P4HA1: variants seen among roughly 807,000 people sequenced by gnomAD.
P4HA1 encodes the protein prolyl 4-hydroxylase subunit alpha 1.
In P4HA1, 24 loss-of-function variants were observed where a neutral mutation model predicts 72.8. The ratio of observed to expected loss-of-function variants is 0.33; its 90% CI spans 0.24 to 0.46. The LOEUF (loss-of-function observed/expected upper bound fraction) is 0.46. P4HA1 is among the 20% of genes least tolerant of loss of function. The pLI, the probability that P4HA1 is intolerant of heterozygous loss-of-function variation, is 1.00. For missense variants in P4HA1, 446 were observed against 640.6 expected, an observed-to-expected ratio of 0.70 and a Z score of 3.28; for synonymous variants, 201 against 218.8, an observed-to-expected ratio of 0.92 and a Z score of 0.72.
chr10:73,090,792 G>A (rs1270078473), intron 1 of P4HA1, among the ~76,000 whole-genome samples: 1 of 152,034 alleles, frequency 6.6e-6, no homozygotes, highest in Non-Finnish European at 1.5e-5. Context: ...CAGGTGCGGT[G>A]GCTCATGCCT....
chr10:73,052,497 A>T (rs1182369755), intron 6 of P4HA1, among the ~76,000 whole-genome samples: 1 of 152,184 alleles, frequency 6.6e-6, no homozygotes, highest in Admixed American at 6.5e-5. Flanking sequence ...GTTTTAATAA[A>T]TTTTCTATAA....
At chr10:73,072,532 C>G (rs1841588645) in intron 3 of P4HA1, among the ~76,000 whole-genome samples, 1 of 152,072 alleles carries the variant, frequency 6.6e-6, no homozygotes, top group African/African-American at 2.4e-5. Flanking sequence ...TACAAATTAG[C>G]CCAACCCAAA....
intron 4 of P4HA1, among the ~76,000 whole-genome samples, chr10:73,069,652 A>G (rs754619673): frequency 4.6e-5 from 7 of 152,196 alleles, no homozygotes; most frequent in Non-Finnish European, 1.0e-4. Context: ...CAAACAAACC[A>G]ATTACTGATA....
chr10:73,084,308 A>G (rs2133156094), intron 1 of P4HA1, among the ~76,000 whole-genome samples: 1 of 152,302 alleles, frequency 6.6e-6, no homozygotes, highest in East Asian at 1.9e-4. Flanking sequence ...GACTAATTGT[A>G]TTGTTTGGGG....
chr10:73,059,920 G>A (rs896556992), intron 5 of P4HA1, among the ~76,000 whole-genome samples: 14 of 151,770 alleles, frequency 9.2e-5, no homozygotes, highest in Admixed American at 3.3e-4. Context: ...ACTCCAGGCC[G>A]GGCAACAGAA....
chr10:73,084,560 C>T (rs1426531488), intron 1 of P4HA1, among the ~76,000 whole-genome samples: 2 of 152,122 alleles, frequency 1.3e-5, no homozygotes, highest in Non-Finnish European at 2.9e-5. Flanking sequence ...GCAGTCTTCC[C>T]GCCTGAGCCT....
At chr10:73,051,824 T>C (rs978195905) in intron 6 of P4HA1, among the ~76,000 whole-genome samples, 1 of 152,142 alleles carries the variant, frequency 6.6e-6, no homozygotes, top group African/African-American at 2.4e-5. Context: ...TGCTTTTACT[T>C]TGAGAATTTA....
chr10:73,045,924 A>C, intron 8 of P4HA1, among the ~76,000 whole-genome samples: 1 of 151,966 alleles, frequency 6.6e-6, no homozygotes, highest in South Asian at 2.1e-4. Context: ...TCTAAAAGAA[A>C]TTCTAACTTC....
chr10:73,025,378 T>A (rs1299071121), intron 10 of P4HA1, among the ~76,000 whole-genome samples: 1 of 152,168 alleles, frequency 6.6e-6, no homozygotes, highest in African/African-American at 2.4e-5. Flanking sequence ...CATGATTATC[T>A]CAATAGATGC....
chr10:73,057,206 C>G (rs898335584), intron 5 of P4HA1, among the ~76,000 whole-genome samples: 16 of 151,088 alleles, frequency 1.1e-4, no homozygotes, highest in African/African-American at 3.6e-4. Context: ...AACACAAAGA[C>G]AAGGCCGGGC....
At chr10:73,021,711 G>C (rs1840140175) in intron 10 of P4HA1, among the ~76,000 whole-genome samples, 3 of 152,206 alleles carry the variant, frequency 2.0e-5, no homozygotes, top group African/African-American at 7.2e-5. Context: ...GAAGCACAAG[G>C]AGTCAGGGAA....
At chr10:73,058,888 G>A (rs987227388) in intron 5 of P4HA1, among the ~76,000 whole-genome samples, 1 of 148,488 alleles carries the variant, frequency 6.7e-6, no homozygotes, top group Non-Finnish European at 1.5e-5. Flanking sequence ...AGAAATTCTC[G>A]TGCCTCACCC....
rs1276060633 is a variant in P4HA1 at position 73,007,689 on chromosome 10, A to G, written c.*533T>C. 2 of 152,262 alleles carry G rather than the reference A, an allele frequency of 1.3e-5. No homozygotes were observed. The highest frequency in any genetic ancestry group is 2.9e-5 in the Non-Finnish European group (2 of 68,090). 9.4% of individuals were successfully genotyped at this position (152,262 alleles called of 1,614,324 possible). ...TAAAATACAGTATACTTTCTTTAAAAAAGACTTGGGAGGAAAAAAATCAAC... is the reference window on the plus strand; with the variant it reads ...TAAAATACAGTATACTTTCTTTAAAGAAGACTTGGGAGGAAAAAAATCAAC... On this transcript the variant is annotated 3_prime_UTR_variant, in exon 15 of 15. Transcript: ENST00000394890.
At chr10:73,010,908 C>T in intron 13 of P4HA1, 61 bp downstream of exon 13, 1 of 1,145,556 alleles carries the variant, frequency 8.7e-7, no homozygotes, top group Admixed American at 1.8e-5. Flanking sequence ...ACCATGAATA[C>T]AAGTGCATCT....
At chr10:73,095,588 C>G (rs964872290) in intron 1 of P4HA1, among the ~76,000 whole-genome samples, 1 of 151,888 alleles carries the variant, frequency 6.6e-6, no homozygotes, top group Non-Finnish European at 1.5e-5. Flanking sequence ...TTTGCCCCTC[C>G]CCCCTTCACG....
chr10:73,056,398 G>A (rs1037054934), intron 5 of P4HA1, among the ~76,000 whole-genome samples: 7 of 152,262 alleles, frequency 4.6e-5, no homozygotes, highest in African/African-American at 7.2e-5. Flanking sequence ...TTGGGAGGCC[G>A]AGGCAGGCGG....
intron 1 of P4HA1, among the ~76,000 whole-genome samples, chr10:73,078,742 G>T (rs1452192325): frequency 6.6e-6 from 1 of 150,562 alleles, no homozygotes; most frequent in Non-Finnish European, 1.5e-5. Flanking sequence ...CTCCCAAGTA[G>T]CTGGGATTAT....
chr10:73,019,846 TACTC>T (rs1840094899), intron 10 of P4HA1, among the ~76,000 whole-genome samples: 1 of 151,516 alleles, frequency 6.6e-6, no homozygotes, highest in South Asian at 2.1e-4. Context: ...TATTTAATAT[TACTC>T]AGAGGGGAAA....
chr10:73,037,560 TA>T lies in P4HA1; in HGVS notation c.1149-7191del, dbSNP rs1564624973. 3.6e-3 allele frequency among the ~76,000 whole-genome samples: 131 copies of T among 36,464 alleles called. 3 individuals carry two copies. Among genetic ancestry groups the T allele is most frequent in the East Asian group, 0.018 (22 of 1,192 alleles). The allele number at this position is 36,464 out of a possible 152,430, so 23.9% of individuals were successfully genotyped here. On this transcript the variant is annotated intron_variant, in intron 9 of 14. Transcript: ENST00000394890. ...ATATATATATATATATATATATATA[TA>T]TATATATATATTTTTTTTTTTTTTT... is the stretch of plus-strand genomic sequence containing the variant.
Sources: allele counts gnomAD v4.1 joint callset (sites outside exome capture counted in the v4.1 genomes callset), GRCh38; gene constraint gnomAD v4.1.1; transcripts MANE v1.5; gene names NCBI Gene and HGNC (gene_info 2026-07-23, HGNC 2026-07-21).